Variants in WWOX observed in about 807,000 individuals in gnomAD.
WWOX encodes the protein WW domain-containing oxidoreductase.
In WWOX, 69 loss-of-function variants were observed where a neutral mutation model predicts 46.2. The observed-to-expected ratio is 1.49, with a 90% CI of 1.23 to 1.82. WWOX has a LOEUF of 1.82. WWOX is among the 40% of genes most tolerant of loss of function. WWOX has a pLI of 0.00. For missense variants in WWOX, 919 were observed against 542.6 expected, an observed-to-expected ratio of 1.69 and a Z score of -6.89; for synonymous variants, 359 against 202.6, an observed-to-expected ratio of 1.77 and a Z score of -6.56.
At chr16:78,132,842 T>G (rs1440121418) in intron 4 of WWOX, among the ~76,000 whole-genome samples, 1 of 151,908 alleles carries the variant, frequency 6.6e-6, no homozygotes. Flanking sequence ...ACCAGGGAGG[T>G]TTTATAATTG....
chr16:78,685,543 A>G (rs181191094), intron 8 of WWOX, among the ~76,000 whole-genome samples: 1 of 152,372 alleles, frequency 6.6e-6, no homozygotes, highest in East Asian at 1.9e-4. Flanking sequence ...ATAGCCCCCA[A>G]AATGAAAATT....
chr16:78,598,011 T>A (rs1398594453), intron 8 of WWOX, among the ~76,000 whole-genome samples: 1 of 152,150 alleles, frequency 6.6e-6, no homozygotes, highest in Non-Finnish European at 1.5e-5. Context: ...TATTAGAATA[T>A]GATAAAGTAT....
At chr16:78,642,022 G>T (rs189675919) in intron 8 of WWOX, among the ~76,000 whole-genome samples, 1 of 152,256 alleles carries the variant, frequency 6.6e-6, no homozygotes, top group East Asian at 1.9e-4. Context: ...AAGAAAAACA[G>T]CAACGAGTTT....
chr16:78,789,248 C>A lies in WWOX; in HGVS notation c.1056+356496C>A, dbSNP rs115355257. On this transcript the variant is annotated intron_variant, in intron 8 of 8. Transcript: ENST00000566780. ...AAAGAGTTTTTCCCTGAAACCACCC[C>A]TCTATTTTCTTCTCAGACTTTTATA... is the stretch of plus-strand genomic sequence containing the variant. Among the ~76,000 whole-genome samples, 209 of 152,258 alleles carry A rather than the reference C, an allele frequency of 1.4e-3. 1 individual carries two copies. The highest frequency in any genetic ancestry group is 4.6e-3 in the African/African-American group (192 of 41,552).
chr16:78,696,488 C>G (rs1044173352), intron 8 of WWOX, among the ~76,000 whole-genome samples: 1 of 151,738 alleles, frequency 6.6e-6, no homozygotes, highest in African/African-American at 2.4e-5. Flanking sequence ...TTTTTTTCAC[C>G]TGGGCTAGTA....
Position 78,272,213 on chromosome 16 carries a change from T to C in WWOX, c.516+107924T>C, listed in dbSNP as rs147369328. Among the ~76,000 whole-genome samples, 23 of 152,306 alleles carry C rather than the reference T, an allele frequency of 1.5e-4. No individual in the cohort carries two copies. The East Asian group carries it at 4.3e-3, about 28-fold the overall frequency. On this transcript the variant is annotated intron_variant, in intron 5 of 8. Transcript: ENST00000566780. ...TGACTGGGGTCAGTCAGTGGTGCTATGCTGGAGGATGAATTGGACTGGCAC... is the reference window on the plus strand; with the variant it reads ...TGACTGGGGTCAGTCAGTGGTGCTACGCTGGAGGATGAATTGGACTGGCAC...
At chr16:78,333,043 C>CTTTTTTTTTTT (rs11289222) in intron 5 of WWOX, among the ~76,000 whole-genome samples, 4 of 57,094 alleles carry the variant, frequency 7.0e-5, no homozygotes, top group Non-Finnish European at 1.1e-4. Flanking sequence ...GAGCATTATA[C>CTTTTTTTTTTT]TTTTTTTTTT....
chr16:78,110,089 C>G (rs546303185), intron 3 of WWOX, among the ~76,000 whole-genome samples: 1 of 151,562 alleles, frequency 6.6e-6, no homozygotes, highest in South Asian at 2.1e-4. Context: ...TGCCTGTAAT[C>G]CCAGCACTTT....
intron 8 of WWOX, among the ~76,000 whole-genome samples, chr16:79,092,279 T>G (rs775943882): frequency 2.6e-5 from 4 of 152,118 alleles, no homozygotes; most frequent in Non-Finnish European, 5.9e-5. Flanking sequence ...TATTAAAACC[T>G]AAAGAGATAA....
At chr16:79,132,431 T>A (rs1415987969) in intron 8 of WWOX, among the ~76,000 whole-genome samples, 1 of 152,128 alleles carries the variant, frequency 6.6e-6, no homozygotes, top group Non-Finnish European at 1.5e-5. Flanking sequence ...CCACAGCCAG[T>A]GTTACAGAAA....
At chr16:79,095,514 C>G (rs1013555108) in intron 8 of WWOX, among the ~76,000 whole-genome samples, 1 of 152,104 alleles carries the variant, frequency 6.6e-6, no homozygotes, top group Non-Finnish European at 1.5e-5. Flanking sequence ...GTCAGAATGT[C>G]CTCTTCAGAT....
chr16:79,120,904 G>T (rs2049616833), intron 8 of WWOX, among the ~76,000 whole-genome samples: 1 of 152,232 alleles, frequency 6.6e-6, no homozygotes, highest in African/African-American at 2.4e-5. Flanking sequence ...GAGTAGATGG[G>T]ATTACAGGCG....
At chr16:79,041,850 C>T (rs1013711148) in intron 8 of WWOX, among the ~76,000 whole-genome samples, 1 of 152,118 alleles carries the variant, frequency 6.6e-6, no homozygotes, top group African/African-American at 2.4e-5. Flanking sequence ...AACTTACATT[C>T]AACCTCTGCT....
At chr16:78,377,019 G>C (rs1278980386) in intron 5 of WWOX, among the ~76,000 whole-genome samples, 1 of 152,202 alleles carries the variant, frequency 6.6e-6, no homozygotes, top group East Asian at 1.9e-4. Context: ...TCTGTGTTTG[G>C]AGCTACACGT....
chr16:78,419,125 G>GT (rs1369299843), intron 6 of WWOX, among the ~76,000 whole-genome samples: 1 of 152,108 alleles, frequency 6.6e-6, no homozygotes, highest in African/African-American at 2.4e-5. Context: ...TTTAATATGC[G>GT]TAAGTCAATT....
At chr16:78,239,960 A>G (rs1175387692) in intron 5 of WWOX, among the ~76,000 whole-genome samples, 1 of 150,866 alleles carries the variant, frequency 6.6e-6, no homozygotes, top group East Asian at 2.0e-4. Flanking sequence ...GTTCTAAGCC[A>G]GTTGGACAGA....
At chr16:78,267,491 C>T (rs1490373503) in intron 5 of WWOX, among the ~76,000 whole-genome samples, 1 of 152,170 alleles carries the variant, frequency 6.6e-6, no homozygotes, top group Admixed American at 6.5e-5. Flanking sequence ...CATGAGTGTT[C>T]TTAAAGGAAG....
At chr16:78,643,875 A>C (rs2142122242) in intron 8 of WWOX, among the ~76,000 whole-genome samples, 1 of 151,808 alleles carries the variant, frequency 6.6e-6, no homozygotes, top group African/African-American at 2.4e-5. Context: ...TGCCATAATT[A>C]GTAACCTGCA....
intron 8 of WWOX, among the ~76,000 whole-genome samples, chr16:78,658,795 A>C (rs1381647808): frequency 6.6e-6 from 1 of 151,944 alleles, no homozygotes; most frequent in African/African-American, 2.4e-5. Context: ...ATTTCTAAAT[A>C]AGATCACATG....
Sources: allele counts gnomAD v4.1 joint callset (sites outside exome capture counted in the v4.1 genomes callset), GRCh38; gene constraint gnomAD v4.1.1; transcripts MANE v1.5; gene names NCBI Gene and HGNC (gene_info 2026-07-23, HGNC 2026-07-21).